RANBP3L: variants seen among roughly 807,000 people sequenced by gnomAD.
RANBP3L encodes ran-binding protein 3-like.
RANBP3L carries 56 observed loss-of-function variants against 67.2 expected under a neutral mutation model. The observed-to-expected ratio is 0.83, with a 90% CI of 0.67 to 1.04. The LOEUF is 1.04. Ranked by LOEUF, RANBP3L falls within the 50% of genes least tolerant of loss-of-function variation. The probability of loss-of-function intolerance (pLI) is 0.00; values close to 1 mark genes in which losing one functional copy is unlikely to be tolerated. For synonymous variants in RANBP3L, 164 were observed against 181.4 expected, an observed-to-expected ratio of 0.90 and a Z score of 0.77; for missense variants, 496 against 535.5, an observed-to-expected ratio of 0.93 and a Z score of 0.73.
intron 13 of RANBP3L, 62 bp from the exon 14 acceptor site, chr5:36,249,759 T>C (rs552982124): frequency 8.5e-6 from 7 of 820,424 alleles, no homozygotes; most frequent in East Asian, 3.0e-5. Flanking sequence ...ATTTTTAATA[T>C]TGAATGCAAC....
intron 1 of RANBP3L, among the ~76,000 whole-genome samples, chr5:36,277,420 C>CTATA (rs1264276542): frequency 6.6e-4 from 53 of 80,500 alleles, no homozygotes; most frequent in South Asian, 6.3e-4. Context: ...CTCTCTCTCT[C>CTATA]TCTATATATA....
In RANBP3L at chr5:36,265,029, G is replaced by T; in HGVS notation, c.410C>A (p.Ala137Glu). Reference protein sequence around the residue: ...ILQLPQARSCAKVRKTFGHKA... With the variant: ...ILQLPQARSCEKVRKTFGHKA... ...GTGTCCAAATGTTTTTCTTACTTTTGCACAACTTCGAGCTTGAGGTAGCTG... is the reference window on the plus strand; with the variant it reads ...GTGTCCAAATGTTTTTCTTACTTTTTCACAACTTCGAGCTTGAGGTAGCTG... The change falls in exon 6 of 14, where the codon GCA becomes GAA. Residue 137 changes from alanine to glutamate, a missense_variant. Ala to Glu is a moderately radical substitution (Grantham distance 107). Coordinates refer to ENST00000296604, the MANE Select transcript of RANBP3L (RefSeq NM_145000.5). 1.9e-6 allele frequency: 3 copies of T among 1,613,498 alleles called. No homozygotes were observed. The highest frequency in any genetic ancestry group is 2.5e-6 in the Non-Finnish European group (3 of 1,179,542).
At chr5:36,260,624 C>T (rs1286240878) in intron 8 of RANBP3L, among the ~76,000 whole-genome samples, 156 bp downstream of exon 8, 1 of 152,112 alleles carries the variant, frequency 6.6e-6, no homozygotes, top group Non-Finnish European at 1.5e-5. Flanking sequence ...ACATGCTTCC[C>T]AGGAGAATCT....
chr5:36,252,020 T>C (rs1748629517), intron 12 of RANBP3L, among the ~76,000 whole-genome samples: 1 of 152,138 alleles, frequency 6.6e-6, no homozygotes, highest in South Asian at 2.1e-4. Flanking sequence ...TATGAAAATA[T>C]AAAAACGATG....
At chr5:36,291,674 T>C (rs1579782936) in intron 1 of RANBP3L, among the ~76,000 whole-genome samples, 1 of 150,812 alleles carries the variant, frequency 6.6e-6, no homozygotes, top group East Asian at 1.9e-4. Context: ...CTTGTGATAG[T>C]TTACTGAGAA....
intron 1 of RANBP3L, among the ~76,000 whole-genome samples, chr5:36,297,831 AG>A (rs1752335393): frequency 6.6e-6 from 1 of 152,196 alleles, no homozygotes; most frequent in South Asian, 2.1e-4. Context: ...TAGTTGTCTT[AG>A]TTCAATTTGC....
chr5:36,262,013 A>G lies in RANBP3L; in HGVS notation c.510T>C (p.Ser170=). The change falls in exon 7 of 14, where the codon AGT becomes AGC. Residue 170 remains serine, a synonymous_variant. Transcript: ENST00000296604. ...AAATTCTAGCCCTTGATAAATTTTC[A>G]CTTAACAAATAGGAATTTCCCTCAG... ...KISEGNSYLL[S]ENLSRARISV... is the part of the protein sequence containing the mutation. The G allele has an allele frequency of 1.2e-6, 2 of 1,603,770 alleles. No individual in the cohort carries two copies. The highest frequency in any genetic ancestry group is 8.5e-7 in the Non-Finnish European group (1 of 1,171,970).
intron 1 of RANBP3L, 88 bp downstream of exon 1, chr5:36,301,238 C>T (rs1017960685): frequency 1.8e-5 from 17 of 938,794 alleles, no homozygotes; most frequent in African/African-American, 1.4e-4. Context: ...AGAGCTTCCC[C>T]GGGTCCTTCA....
At chr5:36,278,449 A>G (rs1750752444) in intron 1 of RANBP3L, among the ~76,000 whole-genome samples, 1 of 152,040 alleles carries the variant, frequency 6.6e-6, no homozygotes, top group Non-Finnish European at 1.5e-5. Context: ...TTCCCGGGTG[A>G]TTTGTAGACA....
At position 36,261,794 on chromosome 5, in the gene RANBP3L, TTG is replaced by T; in HGVS notation, c.584+143_584+144del. 4 of 472,302 alleles carry T rather than the reference TTG, an allele frequency of 8.5e-6. No individual in the cohort carries two copies. In the East Asian group the frequency reaches 1.3e-4, roughly 15 times the overall value. 29.3% of individuals were successfully genotyped at this position (472,302 alleles called of 1,614,324 possible). A position where few individuals can be genotyped will look rare whatever the true frequency, so the allele number is the denominator to read the frequency against. Reference sequence around the variant, plus strand: ...AAATATTTTTAAAAACATTTTAAACTTGTGTTTCCTATAAAATCTCCTTTCAA... The same window carrying T: ...AAATATTTTTAAAAACATTTTAAACTTGTTTCCTATAAAATCTCCTTTCAA... On this transcript the variant is annotated intron_variant, in intron 7 of 13. Transcript: ENST00000296604.
At chr5:36,283,528 G>A (rs1476184403) in intron 1 of RANBP3L, among the ~76,000 whole-genome samples, 1 of 137,028 alleles carries the variant, frequency 7.3e-6, no homozygotes, top group Non-Finnish European at 1.5e-5. Context: ...CCTATGCTCT[G>A]TATATAAAAA....
chr5:36,265,041 G>T lies in RANBP3L; in HGVS notation c.398C>A (p.Ala133Asp). The T allele has an allele frequency of 1.2e-6, 2 of 1,612,996 alleles. No homozygotes were observed. The highest frequency in any genetic ancestry group is 1.7e-6 in the Non-Finnish European group (2 of 1,179,044). The stretch of plus-strand genomic sequence containing the variant: ...TTTTCTTACTTTTGCACAACTTCGA[G>T]CTTGAGGTAGCTGCAAAATAGCAGG... ...IRPAILQLPQ[A>D]RSCAKVRKTF... The change falls in exon 6 of 14, where the codon GCT becomes GAT. Residue 133 changes from alanine to aspartate, a missense_variant. Coordinates refer to ENST00000296604, the MANE Select transcript of RANBP3L (RefSeq NM_145000.5).
At chr5:36,265,743 C>T (rs372938955) in intron 4 of RANBP3L, among the ~76,000 whole-genome samples, 6 of 152,032 alleles carry the variant, frequency 3.9e-5, no homozygotes, top group Non-Finnish European at 8.8e-5. Context: ...GAGGCCAAGG[C>T]GGGTGGATCA....
chr5:36,286,885 C>T (rs1054890448), intron 1 of RANBP3L, among the ~76,000 whole-genome samples: 3 of 152,206 alleles, frequency 2.0e-5, no homozygotes, highest in African/African-American at 7.2e-5. Context: ...TTAATGAGGT[C>T]TTCCCTGAGC....
At chr5:36,253,875 G>T in intron 11 of RANBP3L, 86 bp from the exon 12 acceptor site, 1 of 1,369,062 alleles carries the variant, frequency 7.3e-7, no homozygotes, top group Non-Finnish European at 1.0e-6. Context: ...AAATCTTGTA[G>T]TTGTTTTTCA....
At chr5:36,299,565 C>T (rs1267740213) in intron 1 of RANBP3L, among the ~76,000 whole-genome samples, 1 of 152,022 alleles carries the variant, frequency 6.6e-6, no homozygotes, top group African/African-American at 2.4e-5. Context: ...TGGCCAAAAA[C>T]AATTTTTAAG....
chr5:36,292,479 C>A (rs1415258378), intron 1 of RANBP3L, among the ~76,000 whole-genome samples: 2 of 152,120 alleles, frequency 1.3e-5, no homozygotes, highest in Non-Finnish European at 2.9e-5. Context: ...CTTGCCCATG[C>A]CTATCTCCTG....
intron 1 of RANBP3L, among the ~76,000 whole-genome samples, chr5:36,281,451 G>A (rs750845578): frequency 3.2e-4 from 48 of 152,262 alleles, no homozygotes; most frequent in Admixed American, 5.2e-4. Context: ...AGACTATAAT[G>A]CATGAGAGCT....
intron 6 of RANBP3L, 81 bp from the exon 7 acceptor site, chr5:36,262,123 G>A (rs916016656): frequency 5.7e-6 from 4 of 704,024 alleles, no homozygotes; most frequent in Non-Finnish European, 9.9e-6. Context: ...AATAGTTATA[G>A]TTAAATATAT....
Sources: gnomAD v4.1 joint callset for allele counts (sites outside exome capture counted in the v4.1 genomes callset) on GRCh38, gnomAD v4.1.1 for gene constraint, MANE v1.5 for transcripts, NCBI Gene and HGNC (gene_info 2026-07-23, HGNC 2026-07-21) for gene names.